LRRK2: variants seen among roughly 807,000 people sequenced by gnomAD.
LRRK2 encodes the protein leucine rich repeat kinase 2.
In LRRK2, 203 loss-of-function variants were observed where a neutral mutation model predicts 302.6. The observed-to-expected ratio is 0.67, with a 90% CI of 0.60 to 0.75. LRRK2 has a LOEUF of 0.75. Among genes scored for constraint, LRRK2 ranks in the 30% least tolerant of loss-of-function variants. LRRK2 has a pLI of 0.00. For synonymous variants in LRRK2, 1,066 were observed against 1,031.9 expected (o/e 1.03, Z -0.63); for missense variants, 2,830 against 2,951.0 (o/e 0.96, Z 0.95).
Position 40,289,595 on chromosome 12 carries a change from A to G in LRRK2, c.2689+2056A>G, listed in dbSNP as rs142947570. Among the ~76,000 whole-genome samples, 241 of 150,174 alleles carry G rather than the reference A, an allele frequency of 1.6e-3. 1 individual carries two copies. Among genetic ancestry groups the G allele is most frequent in the African/African-American group, 5.6e-3 (232 of 41,240 alleles). On this transcript the variant is annotated intron_variant, in intron 20 of 50. Transcript: ENST00000298910. ...TATAAATTAATTTGAGGGAACTAAT[A>G]TATTAATAATGAGTCTTTTGACATA... is the stretch of plus-strand genomic sequence containing the variant.
At chr12:40,231,809 T>A (rs958480703) in intron 2 of LRRK2, among the ~76,000 whole-genome samples, 4 of 145,680 alleles carry the variant, frequency 2.7e-5, no homozygotes, top group South Asian at 2.2e-4. Flanking sequence ...ATATATATAA[T>A]ATATATATAT....
Position 40,352,057 on chromosome 12 carries a change from A to G in LRRK2, c.6576+324A>G, listed in dbSNP as rs552261248. 1.3e-3 allele frequency among the ~76,000 whole-genome samples: 196 copies of G among 152,368 alleles called. 1 individual carries two copies. The highest frequency in any genetic ancestry group is 4.6e-3 in the African/African-American group (191 of 41,596). ...GTGGTTTCTGAAGAGGTCCAGCCTC[A>G]GTCTCTGCCCACAAGGAGCTCTGGA... On this transcript the variant is annotated intron_variant, in intron 44 of 50. Coordinates refer to ENST00000298910, the MANE Select transcript of LRRK2 (RefSeq NM_198578.4).
chr12:40,363,360 GA>G, intron 47 of LRRK2, 41 bp from the exon 48 acceptor site: 1 of 1,591,580 alleles, frequency 6.3e-7, no homozygotes, highest in Non-Finnish European at 8.6e-7. Flanking sequence ...ATTTTAAGAA[GA>G]AAACAAATAG....
At chr12:40,362,670 C>T (rs4768236) in intron 47 of LRRK2, among the ~76,000 whole-genome samples, 2 of 151,778 alleles carry the variant, frequency 1.3e-5, no homozygotes, top group African/African-American at 4.8e-5. Context: ...CCAGAGGAGC[C>T]GACATTTAAG....
intron 5 of LRRK2, among the ~76,000 whole-genome samples, chr12:40,239,291 T>C (rs1941616984): frequency 6.6e-6 from 1 of 152,146 alleles, no homozygotes; most frequent in Admixed American, 6.6e-5. Flanking sequence ...CACCGTGAAG[T>C]AGAAGATAGT....
chr12:40,340,380 T>C lies in LRRK2; in HGVS notation c.6035T>C (p.Ile2012Thr), dbSNP rs34015634. 8.1e-6 allele frequency: 13 copies of C among 1,613,802 alleles called. No homozygotes were observed. In the East Asian group the frequency reaches 2.9e-4, roughly 36 times the overall value. Residue 2012 changes from isoleucine (I) to threonine (T), a missense_variant, in exon 41 of 51, where the codon ATT (isoleucine) becomes ACT (threonine). Physicochemically the swap from Ile to Thr is moderately conservative, Grantham distance 89. Around this residue, in one of 3 missense-constraint regions of LRRK2, gnomAD observed 253 missense variants for 346.7 expected, o/e 0.73. Transcript: ENST00000298910. ...LFTLYPNAAIIAKIADYGIAQ... is the reference protein window; with the variant it reads ...LFTLYPNAAITAKIADYGIAQ... Reference sequence around the variant, plus strand: ...ACACTGTATCCCAATGCTGCCATCATTGCAAAGATTGCTGACTACGGCATT... The same window carrying C: ...ACACTGTATCCCAATGCTGCCATCACTGCAAAGATTGCTGACTACGGCATT...
intron 14 of LRRK2, among the ~76,000 whole-genome samples, chr12:40,264,534 G>A (rs948727649): frequency 1.3e-4 from 20 of 152,182 alleles, no homozygotes; most frequent in African/African-American, 4.3e-4. Context: ...CAGGAGAATC[G>A]CTTGAACCCA....
rs548096884 is a variant in LRRK2, at chr12:40,364,058, T to C, written c.7181+504T>C. 2.2e-3 allele frequency among the ~76,000 whole-genome samples: 338 copies of C among 152,096 alleles called. 3 individuals carry two copies. Among genetic ancestry groups the C allele is most frequent in the East Asian group, 9.7e-4 (5 of 5,166 alleles). ...ATGCAGCCTGTGAGTGACAAATCCA[T>C]AGCAAGCACATTCTTTCTGTGCTGG... On this transcript the variant is annotated intron_variant, in intron 48 of 50. Transcript: ENST00000298910.
At chr12:40,232,032 G>A (rs575625788) in intron 2 of LRRK2, among the ~76,000 whole-genome samples, 4 of 151,800 alleles carry the variant, frequency 2.6e-5, no homozygotes, top group East Asian at 1.9e-4. Flanking sequence ...TCAAACTGCC[G>A]GCTGAAATGT....
chr12:40,349,039 T>G (rs1392529082), intron 43 of LRRK2, among the ~76,000 whole-genome samples: 1 of 152,186 alleles, frequency 6.6e-6, no homozygotes, highest in Non-Finnish European at 1.5e-5. Flanking sequence ...TACCTGCAAT[T>G]TCTTCAAACA....
intron 35 of LRRK2, 94 bp from the exon 36 acceptor site, chr12:40,321,941 A>G: frequency 8.1e-7 from 1 of 1,236,924 alleles, no homozygotes; most frequent in South Asian, 1.2e-5. Flanking sequence ...TTTCAAAATG[A>G]ATAGATCTGT....
rs561325818 is a variant in LRRK2 at position 40,275,227 on chromosome 12, A to G, written c.1941+234A>G. On this transcript the variant is annotated intron_variant, in intron 16 of 50. Coordinates refer to ENST00000298910, the MANE Select transcript of LRRK2 (RefSeq NM_198578.4). ...TGGTTATTCACCATTTATCTTGCCC[A>G]TAAAAGTTCAGAGAATGTGCTAAGA... Among the ~76,000 whole-genome samples the G allele has an allele frequency of 7.9e-5, 12 of 152,360 alleles. 1 individual carries two copies. In the East Asian group the frequency reaches 1.7e-3, roughly 22 times the overall value.
intron 40 of LRRK2, among the ~76,000 whole-genome samples, chr12:40,338,134 T>C (rs1945930870): frequency 6.6e-6 from 1 of 151,808 alleles, no homozygotes; most frequent in Non-Finnish European, 1.5e-5. Flanking sequence ...TCAACTTTGC[T>C]GTCTTTACCT....
At position 40,284,059 on chromosome 12, in the gene LRRK2, G is replaced by A. The variant is rs778635781; in HGVS notation, c.2426G>A (p.Cys809Tyr). Residue 809 changes from cysteine to tyrosine, a missense_variant, in exon 19 of 51, where the codon TGT (cysteine) becomes TAT (tyrosine). Transcript: ENST00000298910. ...ANNSICLGGF[C>Y]IGKVEPSWLG... ...AATAGCATTTGCCTTGGAGGATTTT[G>A]TATAGGAAAAGTTGAACCTTCTTGG... 1.2e-5 allele frequency: 19 copies of A among 1,613,492 alleles called. No homozygotes were observed. The highest frequency in any genetic ancestry group is 1.5e-5 in the Non-Finnish European group (18 of 1,179,650).
At chr12:40,252,361 C>T (rs1428042268) in intron 10 of LRRK2, among the ~76,000 whole-genome samples, 2 of 152,076 alleles carry the variant, frequency 1.3e-5, no homozygotes, top group Non-Finnish European at 2.9e-5. Flanking sequence ...TGACAAGAAA[C>T]AGTAATTCTT....
chr12:40,316,479 T>A, intron 33 of LRRK2: 1 of 337,858 alleles, frequency 3.0e-6, no homozygotes, highest in African/African-American at 2.2e-5. Context: ...AATTATTAAA[T>A]GATAATGGAG....
intron 30 of LRRK2, among the ~76,000 whole-genome samples, chr12:40,310,180 C>T (rs1045135664): frequency 6.6e-6 from 1 of 151,864 alleles, no homozygotes; most frequent in African/African-American, 2.4e-5. Context: ...ATACCACTAC[C>T]GTTATATATG....
At chr12:40,293,903 A>ATATATATATATATATATATATATATG (rs1565721006) in intron 21 of LRRK2, among the ~76,000 whole-genome samples, 2 of 150,348 alleles carry the variant, frequency 1.3e-5, no homozygotes, top group Non-Finnish European at 3.0e-5. Flanking sequence ...GCACATATAT[A>ATATATATATATATATATATATATATG]TATATATATA....
chr12:40,246,493 T>C (rs904735616), intron 7 of LRRK2, among the ~76,000 whole-genome samples: 2 of 152,152 alleles, frequency 1.3e-5, no homozygotes, highest in Non-Finnish European at 2.9e-5. Context: ...TATTTAATGA[T>C]TAATACATGG....
Sources: gnomAD v4.1 joint callset for allele counts (sites outside exome capture counted in the v4.1 genomes callset) on GRCh38, gnomAD v4.1.1 for gene constraint, gnomAD v4.1.1 regional missense constraint, MANE v1.5 for transcripts, NCBI Gene and HGNC (gene_info 2026-07-23, HGNC 2026-07-21) for gene names.